STS: variants seen among roughly 807,000 people sequenced by gnomAD.
STS encodes steryl-sulfatase.
A neutral mutation model predicts 26.8 loss-of-function variants in STS; 7 were observed. The observed-to-expected ratio is 0.26, with a 90% CI of 0.15 to 0.49. The LOEUF (loss-of-function observed/expected upper bound fraction) is 0.49. Ranked by LOEUF, STS falls within the 20% of genes least tolerant of loss-of-function variation. STS has a pLI of 0.98. For missense variants in STS, 434 were observed against 465.6 expected (o/e 0.93, Z 0.63); for synonymous variants, 199 against 189.4 (o/e 1.05, Z -0.42).
intron 2 of STS, among the ~76,000 whole-genome samples, chrX:7,193,499 C>A (rs1419580514): frequency 1.8e-5 from 2 of 108,645 alleles, no homozygotes; most frequent in Non-Finnish European, 3.8e-5. Context: ...TTGACATTCC[C>A]TAGATCCAGC....
intron 7 of STS, among the ~76,000 whole-genome samples, chrX:7,279,361 A>ATGTG (rs149132899): frequency 0.027 from 2,156 of 80,676 alleles, 126 homozygotes; most frequent in African/African-American, 0.1. Context: ...GTGTGTGTAT[A>ATGTG]TGTGTGTGTG....
chrX:7,216,352 C>G (rs1315904704), intron 2 of STS, among the ~76,000 whole-genome samples: 1 of 111,476 alleles, frequency 9.0e-6, no homozygotes, highest in African/African-American at 3.3e-5. Flanking sequence ...TTCAACAGGG[C>G]TGCAACTCCA....
chrX:7,222,961 C>A (rs1451405940), intron 2 of STS, among the ~76,000 whole-genome samples: 3 of 111,684 alleles, frequency 2.7e-5, no homozygotes, highest in African/African-American at 9.8e-5. Flanking sequence ...ATATCCATGT[C>A]TATCCATTAT....
intron 9 of STS, among the ~76,000 whole-genome samples, chrX:7,327,435 G>C (rs911241736): frequency 1.9e-5 from 2 of 104,361 alleles, no homozygotes; most frequent in Non-Finnish European, 3.9e-5. Flanking sequence ...CCAGGCTGGA[G>C]TGCAGTGGCG....
intron 1 of STS, among the ~76,000 whole-genome samples, chrX:7,169,510 C>A (rs930170706): frequency 8.9e-6 from 1 of 112,236 alleles, no homozygotes; most frequent in East Asian, 2.8e-4. Context: ...TGTACAAATA[C>A]CTGAGTTCCT....
intron 9 of STS, among the ~76,000 whole-genome samples, chrX:7,333,119 G>A (rs1338209601): frequency 4.5e-5 from 5 of 112,119 alleles, no homozygotes; most frequent in Admixed American, 3.8e-4. Flanking sequence ...ACAAGAGATG[G>A]CAGGGATGTA....
intron 8 of STS, among the ~76,000 whole-genome samples, chrX:7,316,510 T>C (rs180766455): frequency 8.9e-6 from 1 of 112,431 alleles, no homozygotes; most frequent in African/African-American, 3.2e-5. Context: ...AAATATTTAC[T>C]ACCTGGCTCT....
At chrX:7,244,931 G>A (rs1452816402) in intron 2 of STS, among the ~76,000 whole-genome samples, 1 of 111,783 alleles carries the variant, frequency 8.9e-6, no homozygotes, top group African/African-American at 3.3e-5. Context: ...ACAGTGCTTG[G>A]TACATACTAA....
chrX:7,220,135 G>GT (rs1320953704), intron 2 of STS, among the ~76,000 whole-genome samples: 2 of 111,697 alleles, frequency 1.8e-5, no homozygotes. Context: ...CCATTGGTGT[G>GT]TTTTTATTTT....
At chrX:7,181,801 T>G (rs1044511097) in intron 1 of STS, among the ~76,000 whole-genome samples, 12 of 112,208 alleles carry the variant, frequency 1.1e-4, no homozygotes, top group Admixed American at 4.7e-4. Flanking sequence ...AAGACAATGA[T>G]CAAGCTGGGT....
intron 8 of STS, among the ~76,000 whole-genome samples, chrX:7,317,145 T>A (rs979415741): frequency 8.9e-6 from 1 of 111,949 alleles, no homozygotes; most frequent in Non-Finnish European, 1.9e-5. Flanking sequence ...CATCCTTCTG[T>A]GATGAGAACA....
At chrX:7,325,199 C>T (rs1162795553) in intron 8 of STS, 140 bp from the exon 9 acceptor site, 13 of 620,853 alleles carry the variant, frequency 2.1e-5, no homozygotes, top group Middle Eastern at 3.2e-4. Context: ...TACTATATTG[C>T]TCATGGAATA....
At chrX:7,316,118 A>G (rs111902984) in intron 8 of STS, among the ~76,000 whole-genome samples, 28 of 111,930 alleles carry the variant, frequency 2.5e-4, no homozygotes, top group African/African-American at 8.4e-4. Context: ...CAGTCAGGAC[A>G]TGGTTAGCTT....
Position 7,246,319 on chromosome X carries a change from T to C in STS, c.-4-6877T>C, listed in dbSNP as rs1922872362. 1.9e-5 allele frequency among the ~76,000 whole-genome samples: 2 copies of C among 107,433 alleles called. 1 individual carries two copies. Among genetic ancestry groups the C allele is most frequent in the African/African-American group, 6.8e-5 (2 of 29,304 alleles). 93.3% of individuals were successfully genotyped at this position (107,433 alleles called of 115,157 possible). A position where few individuals can be genotyped will look rare whatever the true frequency, so the allele number is the denominator to read the frequency against. ...CTCTGTCGCTCAGGCTGGAGTGCAG[T>C]GAGACGGAGTCTCGCTCTGTCGCTC... On this transcript the variant is annotated intron_variant, in intron 2 of 10. Transcript: ENST00000674429.
chrX:7,157,324 T>G (rs1239481200), intron 1 of STS, among the ~76,000 whole-genome samples: 1 of 111,535 alleles, frequency 9.0e-6, no homozygotes, highest in Non-Finnish European at 1.9e-5. Flanking sequence ...TGTGCCCTTC[T>G]TCTGTGGGAC....
chrX:7,341,635 G>T (rs777589394), intron 10 of STS, among the ~76,000 whole-genome samples: 1 of 111,721 alleles, frequency 9.0e-6, no homozygotes, highest in Non-Finnish European at 1.9e-5. Flanking sequence ...GCTGGAGATG[G>T]TGCAGAGCCA....
intron 1 of STS, among the ~76,000 whole-genome samples, chrX:7,172,899 A>T (rs1933494702): frequency 9.0e-6 from 1 of 111,365 alleles, no homozygotes; most frequent in Admixed American, 9.6e-5. Context: ...TTAATATCTG[A>T]TCAGCTCTTT....
chrX:7,206,520 G>C (rs991115786), intron 2 of STS, among the ~76,000 whole-genome samples: 6 of 111,715 alleles, frequency 5.4e-5, no homozygotes, highest in African/African-American at 1.6e-4. Context: ...TATATGACCA[G>C]CCATATGACA....
chrX:7,245,534 T>G (rs1461069264), intron 2 of STS, among the ~76,000 whole-genome samples: 1 of 112,453 alleles, frequency 8.9e-6, no homozygotes, highest in Non-Finnish European at 1.9e-5. Flanking sequence ...CCCTTCTCTG[T>G]CATTATTTAT....
Sources: gnomAD v4.1 joint callset for allele counts (sites outside exome capture counted in the v4.1 genomes callset) on GRCh38, gnomAD v4.1.1 for gene constraint, MANE v1.5 for transcripts, NCBI Gene and HGNC (gene_info 2026-07-23, HGNC 2026-07-21) for gene names.